The following CUBN variants were observed in gnomAD, a reference collection of about 807,000 sequenced individuals.
The protein encoded by CUBN is cubilin.
In CUBN, 282 loss-of-function variants were observed where a neutral mutation model predicts 405.3. That is an observed-to-expected ratio of 0.70 (90% confidence interval 0.63 to 0.77). The LOEUF (loss-of-function observed/expected upper bound fraction) is 0.77, where lower values mean the gene tolerates loss of function less well. Among genes scored for constraint, CUBN ranks in the 30% least tolerant of loss-of-function variants. CUBN has a pLI of 0.00. For missense variants in CUBN, 4,514 were observed against 4,475.2 expected (o/e 1.01, Z -0.25); for synonymous variants, 1,684 against 1,617.0 (o/e 1.04, Z -0.99).
At chr10:16,830,547 C>T (rs909536348) in intron 65 of CUBN, among the ~76,000 whole-genome samples, 7 of 152,178 alleles carry the variant, frequency 4.6e-5, no homozygotes, top group South Asian at 2.1e-4. Flanking sequence ...TCTCCAGAAC[C>T]GCCAAGAAAT....
intron 25 of CUBN, 140 bp downstream of exon 25, chr10:17,044,867 T>G (rs559994218): frequency 2.3e-6 from 2 of 883,516 alleles, no homozygotes; most frequent in Non-Finnish European, 3.7e-6. Context: ...ATTTCTTTTA[T>G]GTTTTTATTT....
chr10:16,923,378 G>A (rs966537014), intron 43 of CUBN, among the ~76,000 whole-genome samples: 5 of 152,156 alleles, frequency 3.3e-5, no homozygotes, highest in African/African-American at 1.2e-4. Context: ...GTGATTTGAT[G>A]TCAAAAAATG....
At chr10:16,978,943 C>A (rs935621546) in intron 31 of CUBN, among the ~76,000 whole-genome samples, 1 of 152,118 alleles carries the variant, frequency 6.6e-6, no homozygotes, top group African/African-American at 2.4e-5. Context: ...AAAACCCCAT[C>A]GTCGCAGCCC....
intron 31 of CUBN, among the ~76,000 whole-genome samples, chr10:16,966,545 T>C (rs566222487): frequency 6.6e-6 from 1 of 151,952 alleles, no homozygotes; most frequent in African/African-American, 2.4e-5. Flanking sequence ...GTCTCCCAGG[T>C]TCAAGCAATT....
chr10:17,104,519 G>T lies in CUBN; in HGVS notation c.1317C>A (p.Asn439Lys), dbSNP rs1352086308. 2 of 1,613,750 alleles carry T rather than the reference G, an allele frequency of 1.2e-6. No individual in the cohort carries two copies. The highest frequency in any genetic ancestry group is 1.3e-5 in the African/African-American group (1 of 74,814). The change falls in exon 12 of 67, where the codon AAC (asparagine) becomes AAA (lysine). Residue 439 changes from asparagine to lysine, a missense_variant. Physicochemically the swap from Asn to Lys is moderately conservative, Grantham distance 94. Transcript: ENST00000377833. ...CTENINECLSNPCLNGGTCVD... is the reference protein window; with the variant it reads ...CTENINECLSKPCLNGGTCVD... ...CACAAGTTCCTCCATTCAAACAGGGGTTGCTCAAACACTCATTGATGTTTT... is the reference window on the plus strand; with the variant it reads ...CACAAGTTCCTCCATTCAAACAGGGTTTGCTCAAACACTCATTGATGTTTT...
chr10:16,890,612 C>T, intron 54 of CUBN, 85 bp from the exon 55 acceptor site: 1 of 1,252,488 alleles, frequency 8.0e-7, no homozygotes. Flanking sequence ...TAATGGCACT[C>T]ACACGTATAC....
intron 41 of CUBN, among the ~76,000 whole-genome samples, chr10:16,926,223 G>A (rs1842185276): frequency 6.6e-6 from 1 of 152,108 alleles, no homozygotes; most frequent in African/African-American, 2.4e-5. Context: ...AGATAGTTAT[G>A]GGGGAGAAAA....
intron 28 of CUBN, among the ~76,000 whole-genome samples, chr10:17,000,165 G>T (rs755030245): frequency 6.6e-6 from 1 of 152,102 alleles, no homozygotes; most frequent in Non-Finnish European, 1.5e-5. Context: ...ACTCTAGCCC[G>T]GCCAAGTTGT....
At position 16,875,792 on chromosome 10, in the gene CUBN, C is replaced by T. The variant is rs1840481294; in HGVS notation, c.9106+1105G>A. On this transcript the variant is annotated intron_variant, in intron 57 of 66. Transcript: ENST00000377833. ...ACTAGAATATATTGAATCTTGACTA[C>T]TTCCTTGTAGGAAAATGAGAGATTA... Among the ~76,000 whole-genome samples, 4 of 152,208 alleles carry T rather than the reference C, an allele frequency of 2.6e-5. No individual in the cohort carries two copies. The South Asian group carries it at 8.3e-4, about 32-fold the overall frequency.
At chr10:16,894,977 G>A (rs1169854336) in intron 54 of CUBN, among the ~76,000 whole-genome samples, 1 of 152,114 alleles carries the variant, frequency 6.6e-6, no homozygotes, top group Admixed American at 6.6e-5. Flanking sequence ...CACTTCCCAT[G>A]GGAAAGAATG....
Position 17,084,419 on chromosome 10 carries a change from T to G in CUBN, c.2153A>C (p.Glu718Ala), listed in dbSNP as rs1355784653. Reference protein sequence around the residue: ...CGGNYTDPEGELFLPELSGPF... With the variant: ...CGGNYTDPEGALFLPELSGPF... ...CCCAGACAACTCAGGCAAGAAGAGT[T>G]CACCCTCTGGGTCCGTGTAGTTCCC... The change falls in exon 17 of 67, where the codon GAA (glutamate) becomes GCA (alanine). Residue 718 changes from glutamate (E) to alanine (A), a missense_variant. Around this residue, in one of 5 missense-constraint regions of CUBN, gnomAD observed 1,448 missense variants for 1,388.0 expected, o/e 1.04. Coordinates refer to ENST00000377833, the MANE Select transcript of CUBN (RefSeq NM_001081.4). The G allele has an allele frequency of 2.5e-6, 4 of 1,613,856 alleles. No homozygotes were observed. In the African/African-American group the frequency reaches 5.3e-5, roughly 22 times the overall value.
At chr10:16,942,852 G>GGGAAAGGAA (rs1554797582) in intron 36 of CUBN, among the ~76,000 whole-genome samples, 1 of 123,204 alleles carries the variant, frequency 8.1e-6, no homozygotes, top group East Asian at 2.4e-4. Flanking sequence ...GGAAGGGGAA[G>GGGAAAGGAA]GGGAAGGGAA....
intron 52 of CUBN, 128 bp downstream of exon 52, chr10:16,901,210 A>T: frequency 7.8e-7 from 1 of 1,288,792 alleles, no homozygotes; most frequent in Non-Finnish European, 1.1e-6. Flanking sequence ...AGGGAAAAAC[A>T]GTGATCTCAT....
chr10:16,856,812 T>C (rs770499698), intron 59 of CUBN, among the ~76,000 whole-genome samples: 2 of 152,174 alleles, frequency 1.3e-5, no homozygotes, highest in African/African-American at 2.4e-5. Context: ...AAGCCATCTG[T>C]GGCTTTAGGC....
In CUBN at chr10:17,065,020, T is replaced by C. The variant is rs568222476; in HGVS notation, c.3139+488A>G. On this transcript the variant is annotated intron_variant, in intron 22 of 66. Coordinates refer to ENST00000377833, the MANE Select transcript of CUBN (RefSeq NM_001081.4). ...ATTCAGTCTCTTTGGTAACTTTTCA[T>C]TCTGATAGAATTTTAAAAGATGCAA... is the stretch of plus-strand genomic sequence containing the variant. 7.2e-5 allele frequency among the ~76,000 whole-genome samples: 11 copies of C among 152,250 alleles called. No homozygotes were observed. In the South Asian group the frequency reaches 2.3e-3, roughly 32 times the overall value.
intron 4 of CUBN, among the ~76,000 whole-genome samples, chr10:17,126,242 C>A (rs982045748): frequency 1.3e-5 from 2 of 152,154 alleles, no homozygotes; most frequent in African/African-American, 4.8e-5. Context: ...GGGTAAGAAG[C>A]CTAAGTTTAC....
Position 17,099,989 on chromosome 10 carries a change from C to T in CUBN, c.1765+16G>A, listed in dbSNP as rs1836460212. The T allele has an allele frequency of 3.1e-6, 5 of 1,589,546 alleles. No individual in the cohort carries two copies. The highest frequency in any genetic ancestry group is 1.3e-5 in the African/African-American group (1 of 74,414). On this transcript the variant is annotated intron_variant, in intron 14 of 66. Coordinates refer to ENST00000377833, the MANE Select transcript of CUBN (RefSeq NM_001081.4). ...CTCAAAATTTTGCTTGCTTTTTTCT[C>T]CAGGTTCACACATACCTGGTTGCTG...
intron 22 of CUBN, among the ~76,000 whole-genome samples, chr10:17,055,890 T>A (rs1001363607): frequency 9.2e-5 from 14 of 152,068 alleles, no homozygotes. Flanking sequence ...ATTCTCAAGT[T>A]TTTTTATATA....
intron 48 of CUBN, among the ~76,000 whole-genome samples, chr10:16,909,049 A>AT (rs771426530): frequency 6.7e-6 from 1 of 149,516 alleles, no homozygotes; most frequent in African/African-American, 2.5e-5. Context: ...CGCCCGGCTA[A>AT]TTTTTTTTTG....
Sources: allele counts gnomAD v4.1 joint callset (sites outside exome capture counted in the v4.1 genomes callset), GRCh38; gene constraint gnomAD v4.1.1; regional missense constraint gnomAD v4.1.1; transcripts MANE v1.5; gene names NCBI Gene and HGNC (gene_info 2026-07-23, HGNC 2026-07-21).